Variants in PTPRD observed in about 807,000 individuals in gnomAD.
PTPRD encodes the protein protein tyrosine phosphatase receptor type D, also known as receptor-type tyrosine-protein phosphatase delta.
PTPRD carries 34 observed loss-of-function variants against 214.5 expected under a neutral mutation model. That is an observed-to-expected ratio of 0.16 (90% CI 0.12 to 0.21). PTPRD has a LOEUF of 0.21. PTPRD is among the 10% of genes least tolerant of loss of function. The probability of loss-of-function intolerance (pLI) is 1.00; values close to 1 mark genes in which losing one functional copy is unlikely to be tolerated. For missense variants in PTPRD, 2,545 were observed against 2,398.7 expected, an observed-to-expected ratio of 1.06 and a Z score of -1.27; for synonymous variants, 1,128 against 845.7, an observed-to-expected ratio of 1.33 and a Z score of -5.79.
chr9:9,663,858 T>A (rs991539935), intron 7 of PTPRD, among the ~76,000 whole-genome samples: 1 of 151,426 alleles, frequency 6.6e-6, no homozygotes, highest in South Asian at 2.1e-4. Flanking sequence ...AAAAGCAAAG[T>A]TGTATGTGAA....
At chr9:9,217,777 C>T (rs1381831232) in intron 9 of PTPRD, among the ~76,000 whole-genome samples, 2 of 152,138 alleles carry the variant, frequency 1.3e-5, no homozygotes, top group Non-Finnish European at 2.9e-5. Context: ...ACCAAAATCC[C>T]GCCCAGCATT....
chr9:8,774,486 CAAT>C (rs1456963107), intron 11 of PTPRD, among the ~76,000 whole-genome samples: 1 of 145,532 alleles, frequency 6.9e-6, no homozygotes, highest in African/African-American at 2.5e-5. Flanking sequence ...ATAAATGCAA[CAAT>C]GTTACACACG....
intron 3 of PTPRD, among the ~76,000 whole-genome samples, chr9:10,076,714 G>A (rs2098137394): frequency 1.3e-5 from 2 of 152,104 alleles, no homozygotes; most frequent in Admixed American, 1.3e-4. Flanking sequence ...TGTGCTGCCT[G>A]GGGAGCAGTG....
chr9:10,308,084 T>C (rs534747998), intron 3 of PTPRD, among the ~76,000 whole-genome samples: 1 of 152,148 alleles, frequency 6.6e-6, no homozygotes, highest in South Asian at 2.1e-4. Context: ...GTTTTATTTG[T>C]CTATTTTTGT....
intron 3 of PTPRD, among the ~76,000 whole-genome samples, chr9:10,182,410 G>C (rs1197012304): frequency 6.6e-6 from 1 of 151,936 alleles, no homozygotes; most frequent in African/African-American, 2.4e-5. Context: ...AAATTATAGG[G>C]AATTAATGAC....
chr9:10,523,141 C>T (rs2052932129), intron 2 of PTPRD, among the ~76,000 whole-genome samples: 1 of 151,934 alleles, frequency 6.6e-6, no homozygotes, highest in Non-Finnish European at 1.5e-5. Flanking sequence ...AGTGGTAGGT[C>T]TTGCCAATTA....
intron 7 of PTPRD, among the ~76,000 whole-genome samples, chr9:9,602,858 C>A (rs914230311): frequency 6.6e-6 from 1 of 152,056 alleles, no homozygotes; most frequent in Non-Finnish European, 1.5e-5. Flanking sequence ...CAAGCTATGT[C>A]TATGTGAATG....
intron 3 of PTPRD, among the ~76,000 whole-genome samples, chr9:10,145,273 G>GT (rs201019546): frequency 0.051 from 7,828 of 152,060 alleles, 287 homozygotes; most frequent in Admixed American, 0.1. Flanking sequence ...GCATGTGTTT[G>GT]TTTGTATTGT....
At chr9:10,156,078 T>TG (rs1005165885) in intron 3 of PTPRD, among the ~76,000 whole-genome samples, 3 of 132,548 alleles carry the variant, frequency 2.3e-5, no homozygotes, top group African/African-American at 5.7e-5. Flanking sequence ...TTTTGAATGT[T>TG]TGTGTGTGTG....
intron 7 of PTPRD, among the ~76,000 whole-genome samples, chr9:9,638,223 T>G (rs1312187539): frequency 6.6e-6 from 1 of 152,200 alleles, no homozygotes; most frequent in East Asian, 1.9e-4. Context: ...CTTTTAATTA[T>G]GAATTGCATC....
chr9:8,655,969 C>G (rs141871010), intron 12 of PTPRD, among the ~76,000 whole-genome samples: 1 of 152,300 alleles, frequency 6.6e-6, no homozygotes, highest in Non-Finnish European at 1.5e-5. Flanking sequence ...AAGTCCTGTT[C>G]AAAGAATTTG....
chr9:9,211,353 G>A (rs902249717), intron 9 of PTPRD, among the ~76,000 whole-genome samples: 1 of 152,112 alleles, frequency 6.6e-6, no homozygotes, highest in Non-Finnish European at 1.5e-5. Context: ...AATAGGTCTT[G>A]TGTCCTAAGT....
intron 11 of PTPRD, among the ~76,000 whole-genome samples, chr9:8,751,635 C>G (rs886567949): frequency 3.3e-5 from 5 of 152,256 alleles, no homozygotes; most frequent in Middle Eastern, 3.4e-3. Context: ...GGCTATCTTT[C>G]CAAATTAGCT....
intron 2 of PTPRD, among the ~76,000 whole-genome samples, chr9:10,447,032 T>G (rs889916273): frequency 3.3e-5 from 5 of 152,164 alleles, no homozygotes; most frequent in Non-Finnish European, 5.9e-5. Context: ...ATTATAACAA[T>G]AATTTGCTCA....
intron 7 of PTPRD, among the ~76,000 whole-genome samples, chr9:9,612,269 G>T (rs1244301027): frequency 6.6e-6 from 1 of 152,128 alleles, no homozygotes; most frequent in Non-Finnish European, 1.5e-5. Context: ...AGGTGGTCTT[G>T]ACTGAGTTCT....
At chr9:10,479,583 C>T (rs2099083756) in intron 2 of PTPRD, among the ~76,000 whole-genome samples, 1 of 150,486 alleles carries the variant, frequency 6.6e-6, no homozygotes, top group African/African-American at 2.5e-5. Flanking sequence ...CAAGACCAAG[C>T]TAGCCTGGGT....
intron 14 of PTPRD, among the ~76,000 whole-genome samples, chr9:8,581,913 CAAAA>C (rs36007156): frequency 1.4e-4 from 5 of 34,964 alleles, no homozygotes; most frequent in East Asian, 2.1e-3. Context: ...ACTCAATCTC[CAAAA>C]AAAAAAAAAA....
At chr9:9,450,764 T>C (rs1220710769) in intron 8 of PTPRD, among the ~76,000 whole-genome samples, 1 of 151,220 alleles carries the variant, frequency 6.6e-6, no homozygotes, top group Non-Finnish European at 1.5e-5. Flanking sequence ...GGGGTGTGTG[T>C]GTCCCTGTAA....
intron 4 of PTPRD, among the ~76,000 whole-genome samples, chr9:9,949,042 A>T (rs894922399): frequency 6.6e-6 from 1 of 152,058 alleles, no homozygotes; most frequent in Non-Finnish European, 1.5e-5. Context: ...ATACGAGAAA[A>T]CAAGATGTAG....
Sources: allele counts gnomAD v4.1 joint callset (sites outside exome capture counted in the v4.1 genomes callset), GRCh38; gene constraint gnomAD v4.1.1; transcripts MANE v1.5; gene names NCBI Gene and HGNC (gene_info 2026-07-23, HGNC 2026-07-21).